The following PTPRG variants were observed in gnomAD, a reference collection of about 807,000 sequenced individuals.
PTPRG encodes receptor-type tyrosine-protein phosphatase gamma.
Under a neutral mutation model 165.3 loss-of-function variants are expected in PTPRG, and 102 were observed. The ratio of observed to expected loss-of-function variants is 0.62; its 90% CI spans 0.53 to 0.73. The LOEUF (loss-of-function observed/expected upper bound fraction) is 0.73, where lower values mean the gene tolerates loss of function less well. PTPRG is among the 30% of genes least tolerant of loss of function. PTPRG has a pLI of 0.00. For missense variants in PTPRG, 1,866 were observed against 1,861.4 expected (o/e 1.00, Z -0.05); for synonymous variants, 675 against 669.5 (o/e 1.01, Z -0.13).
chr3:61,905,962 A>G (rs999015370), intron 2 of PTPRG, among the ~76,000 whole-genome samples: 3 of 152,246 alleles, frequency 2.0e-5, no homozygotes, highest in African/African-American at 7.2e-5. Flanking sequence ...CTCTTATGAA[A>G]GAATCATGTA....
chr3:61,803,309 C>T (rs763774759), intron 2 of PTPRG, among the ~76,000 whole-genome samples: 1 of 152,052 alleles, frequency 6.6e-6, no homozygotes, highest in Non-Finnish European at 1.5e-5. Flanking sequence ...AACCTGCAAT[C>T]GATAAAAAAA....
At chr3:61,671,048 G>T (rs978537129) in intron 1 of PTPRG, among the ~76,000 whole-genome samples, 7 of 151,664 alleles carry the variant, frequency 4.6e-5, no homozygotes, top group Non-Finnish European at 8.8e-5. Context: ...ACAGAGTCCA[G>T]GAGATGGGGA....
chr3:61,785,342 CTGTT>C (rs1049178319), intron 2 of PTPRG, among the ~76,000 whole-genome samples: 3 of 152,044 alleles, frequency 2.0e-5, no homozygotes, highest in African/African-American at 4.8e-5. Context: ...AAACCGAAAA[CTGTT>C]TGGTTTGAAA....
intron 4 of PTPRG, among the ~76,000 whole-genome samples, chr3:62,021,864 T>C (rs533572548): frequency 1.3e-5 from 2 of 150,562 alleles, no homozygotes; most frequent in South Asian, 2.1e-4. Context: ...TTTCTTTTTT[T>C]TTTTTTTTTT....
chr3:61,980,744 C>T (rs1429535286), intron 2 of PTPRG, among the ~76,000 whole-genome samples: 1 of 152,200 alleles, frequency 6.6e-6, no homozygotes, highest in East Asian at 1.9e-4. Context: ...AATTTAAATT[C>T]AGACATGGTT....
chr3:61,896,497 A>G (rs1310160792), intron 2 of PTPRG, among the ~76,000 whole-genome samples: 1 of 152,210 alleles, frequency 6.6e-6, no homozygotes, highest in Admixed American at 6.5e-5. Flanking sequence ...TATTACAGAT[A>G]AAGCTGCTGG....
At chr3:62,109,574 A>G (rs1702594511) in intron 5 of PTPRG, among the ~76,000 whole-genome samples, 1 of 151,862 alleles carries the variant, frequency 6.6e-6, no homozygotes. Context: ...TTTTTCCCAC[A>G]TTCCTCCTTT....
intron 2 of PTPRG, among the ~76,000 whole-genome samples, chr3:61,764,526 G>A (rs2033954775): frequency 6.6e-6 from 1 of 152,166 alleles, no homozygotes. Flanking sequence ...AAAGTGAGGT[G>A]GTGCCTAGAG....
intron 27 of PTPRG, 129 bp from the exon 28 acceptor site, chr3:62,282,598 G>A (rs1026681022): frequency 4.7e-6 from 4 of 842,814 alleles, no homozygotes; most frequent in East Asian, 5.9e-5. Flanking sequence ...TTCCAGCTGT[G>A]GTTTGGTTAA....
intron 1 of PTPRG, among the ~76,000 whole-genome samples, chr3:61,684,067 A>G (rs552140531): frequency 3.3e-5 from 5 of 152,358 alleles, no homozygotes; most frequent in South Asian, 2.1e-4. Flanking sequence ...CTAAACAGCT[A>G]TGAGGGAGTC....
At chr3:61,738,993 T>TGG (rs1559584002) in intron 1 of PTPRG, 17 of 119,930 alleles carry the variant, frequency 1.4e-4, no homozygotes, top group African/African-American at 5.6e-4. Context: ...TTTTTTTTGT[T>TGG]TTTTTTTTTT....
intron 2 of PTPRG, among the ~76,000 whole-genome samples, chr3:61,883,734 A>G (rs1272263747): frequency 6.6e-6 from 1 of 152,078 alleles, no homozygotes; most frequent in African/African-American, 2.4e-5. Context: ...GAGTGGGGCC[A>G]GGTCTCACTC....
intron 2 of PTPRG, among the ~76,000 whole-genome samples, chr3:61,950,351 T>C (rs77787894): frequency 7.2e-5 from 11 of 152,350 alleles, no homozygotes; most frequent in African/African-American, 2.6e-4. Context: ...TTCTGAATGC[T>C]TGATTGTGAG....
intron 14 of PTPRG, among the ~76,000 whole-genome samples, chr3:62,241,200 C>T (rs1463154234): frequency 6.6e-6 from 1 of 152,076 alleles, no homozygotes; most frequent in Non-Finnish European, 1.5e-5. Context: ...AGTGCTTAGC[C>T]AGGCTTAAGG....
At chr3:61,990,636 G>A (rs1417473332) in intron 3 of PTPRG, among the ~76,000 whole-genome samples, 3 of 152,204 alleles carry the variant, frequency 2.0e-5, no homozygotes, top group Non-Finnish European at 4.4e-5. Flanking sequence ...TTACATCTCT[G>A]CTTAGTGCTA....
chr3:61,775,144 C>T (rs1057151773), intron 2 of PTPRG, among the ~76,000 whole-genome samples: 4 of 152,104 alleles, frequency 2.6e-5, no homozygotes, highest in Admixed American at 6.6e-5. Context: ...AATCTTGGCT[C>T]GCTGCAACCT....
At chr3:62,156,972 T>A (rs1704559830) in intron 6 of PTPRG, 95 bp from the exon 7 acceptor site, 2 of 1,114,540 alleles carry the variant, frequency 1.8e-6, no homozygotes, top group Non-Finnish European at 2.7e-6. Context: ...AGGCTTGCGA[T>A]GTGGCACCAG....
At chr3:61,818,513 G>T (rs1195154388) in intron 2 of PTPRG, among the ~76,000 whole-genome samples, 1 of 152,026 alleles carries the variant, frequency 6.6e-6, no homozygotes, top group Non-Finnish European at 1.5e-5. Context: ...TGAAAAAGTT[G>T]TTTAGGTGGG....
At chr3:62,051,087 A>G (rs746786749) in intron 4 of PTPRG, among the ~76,000 whole-genome samples, 6 of 152,218 alleles carry the variant, frequency 3.9e-5, no homozygotes, top group Non-Finnish European at 7.3e-5. Flanking sequence ...GAGTACAGAA[A>G]GCCACTTTCG....
Sources: allele counts gnomAD v4.1 joint callset (sites outside exome capture counted in the v4.1 genomes callset), GRCh38; gene constraint gnomAD v4.1.1; transcripts MANE v1.5; gene names NCBI Gene and HGNC (gene_info 2026-07-23, HGNC 2026-07-21).